Variants in ANKDD1B observed in about 807,000 individuals in gnomAD.
ANKDD1B encodes ankyrin repeat and death domain containing 1B.
A neutral mutation model predicts 59.7 loss-of-function variants in ANKDD1B; 57 were observed. The observed-to-expected ratio is 0.95, with a 90% CI of 0.77 to 1.19. The LOEUF (loss-of-function observed/expected upper bound fraction) is 1.19. Ranked by LOEUF, ANKDD1B falls within the 50% of genes most tolerant of loss-of-function variation. The pLI, the probability that ANKDD1B is intolerant of heterozygous loss-of-function variation, is 0.00. For missense variants in ANKDD1B, 602 were observed against 641.9 expected (o/e 0.94, Z 0.67); for synonymous variants, 216 against 239.5 (o/e 0.90, Z 0.91).
intron 5 of ANKDD1B, among the ~76,000 whole-genome samples, chr5:75,630,058 A>G (rs1774107099): frequency 6.6e-6 from 1 of 152,190 alleles, no homozygotes; most frequent in African/African-American, 2.4e-5. Flanking sequence ...GATTTGCCCA[A>G]GGCCTGGAGC....
intron 2 of ANKDD1B, among the ~76,000 whole-genome samples, chr5:75,617,694 T>C (rs921361529): frequency 6.6e-6 from 1 of 152,216 alleles, no homozygotes; most frequent in African/African-American, 2.4e-5. Context: ...CTGAGAGGGC[T>C]CTAGTAATAT....
chr5:75,653,260 A>T lies in ANKDD1B; in HGVS notation c.897+20A>T. 1 of 1,515,378 alleles carries T rather than the reference A, an allele frequency of 6.6e-7. No individual in the cohort carries two copies. Among genetic ancestry groups the T allele is most frequent in the Non-Finnish European group, 8.9e-7 (1 of 1,128,048 alleles). 93.9% of individuals were successfully genotyped at this position (1,515,378 alleles called of 1,614,324 possible). On this transcript the variant is annotated intron_variant, in intron 8 of 13. Coordinates refer to ENST00000601380, the MANE Select transcript of ANKDD1B (RefSeq NM_001276713.2). ...GTGGAAGTGAGTTTATTCCAATGAC[A>T]CGGGCTTTGGTCCTGGCGCCGTGAG...
chr5:75,635,246 C>T (rs114023493), intron 6 of ANKDD1B: 5,184 of 344,554 alleles, frequency 0.015, 218 homozygotes, highest in African/African-American at 0.092. Flanking sequence ...TGGATTTTTC[C>T]ATGATCAACT....
intron 1 of ANKDD1B, among the ~76,000 whole-genome samples, chr5:75,615,668 C>CTTTG (rs1554066521): frequency 6.9e-6 from 1 of 144,238 alleles, no homozygotes; most frequent in East Asian, 2.0e-4. Flanking sequence ...CTGGTCTTCC[C>CTTTG]TGTGTGTGTG....
chr5:75,637,334 C>T lies in ANKDD1B; in HGVS notation c.798+1452C>T, dbSNP rs552979222. ...GGGGATGTGGCTGTGGCTATGCAGGCGGGTTTGTGAGTCATTTGCCCTGGA... is the reference window on the plus strand; with the variant it reads ...GGGGATGTGGCTGTGGCTATGCAGGTGGGTTTGTGAGTCATTTGCCCTGGA... On this transcript the variant is annotated intron_variant, in intron 7 of 13. Transcript: ENST00000601380. Among the ~76,000 whole-genome samples the T allele has an allele frequency of 1.7e-4, 25 of 147,352 alleles. 1 individual carries two copies. The South Asian group carries it at 3.7e-3, about 22-fold the overall frequency.
intron 12 of ANKDD1B, among the ~76,000 whole-genome samples, chr5:75,668,674 C>G (rs1775381195): frequency 6.6e-6 from 1 of 152,196 alleles, no homozygotes; most frequent in African/African-American, 2.4e-5. Context: ...GTACTTCCCC[C>G]AACACCTCTC....
At chr5:75,628,186 G>A (rs1393316321) in intron 5 of ANKDD1B, among the ~76,000 whole-genome samples, 3 of 152,194 alleles carry the variant, frequency 2.0e-5, no homozygotes, top group African/African-American at 4.8e-5. Context: ...GTTGACAAAA[G>A]TCAGTTGGAA....
rs1032810000 is a variant in ANKDD1B, at chr5:75,669,305, G to T, written c.1447G>T (p.Gly483Trp). Residue 483 changes from glycine to tryptophan, a missense_variant, in exon 13 of 14, where the codon GGG becomes TGG. Physicochemically the swap from Gly to Trp is radical, Grantham distance 184 (BLOSUM62 -2). This residue lies in a region of ANKDD1B where 280 missense variants were observed against 319.8 expected (regional missense o/e 0.88). Transcript: ENST00000601380. ...CAGGGCTCTGCTTATCTGGCTACAC[G>T]GGACCCTGATGACTCAGGGTGACCC... ...GHRALLIWLH[G>W]TLMTQGDPAK... The T allele has an allele frequency of 1.6e-6, 2 of 1,232,108 alleles. No individual in the cohort carries two copies. Among genetic ancestry groups the T allele is most frequent in the African/African-American group, 3.1e-5 (2 of 64,524 alleles). The allele number at this position is 1,232,108 out of a possible 1,614,324, so 76.3% of individuals were successfully genotyped here. A position where few individuals can be genotyped will look rare whatever the true frequency, so the allele number is the denominator to read the frequency against.
intron 10 of ANKDD1B, among the ~76,000 whole-genome samples, chr5:75,661,251 G>A (rs1183770874): frequency 6.6e-6 from 1 of 151,560 alleles, no homozygotes; most frequent in Non-Finnish European, 1.5e-5. Flanking sequence ...ACACAAATCA[G>A]CCGGGCATGG....
intron 7 of ANKDD1B, among the ~76,000 whole-genome samples, chr5:75,640,710 G>A (rs918370165): frequency 2.0e-5 from 3 of 152,188 alleles, no homozygotes; most frequent in African/African-American, 7.2e-5. Flanking sequence ...TAAAGTATGT[G>A]TTCCAGACCA....
chr5:75,616,482 A>G lies in ANKDD1B; in HGVS notation c.194-322A>G, dbSNP rs777746038. On this transcript the variant is annotated intron_variant, in intron 1 of 13. Coordinates refer to ENST00000601380, the MANE Select transcript of ANKDD1B (RefSeq NM_001276713.2). ...TCTTGTACAAGGTTTTTTACAAACA[A>G]TGCCCCCTGGGAAGTCTATGGCCGC... 2.6e-5 allele frequency among the ~76,000 whole-genome samples: 4 copies of G among 152,288 alleles called. No individual in the cohort carries two copies. In the Middle Eastern group the frequency reaches 0.01, roughly 388 times the overall value.
At chr5:75,636,249 A>G (rs571582799) in intron 7 of ANKDD1B, among the ~76,000 whole-genome samples, 27 of 152,364 alleles carry the variant, frequency 1.8e-4, no homozygotes, top group African/African-American at 6.5e-4. Flanking sequence ...GATGTTTTTC[A>G]GAAATTACAG....
At chr5:75,617,037 T>C in intron 2 of ANKDD1B, 130 bp downstream of exon 2, 1 of 515,456 alleles carries the variant, frequency 1.9e-6, no homozygotes. Context: ...GCTTTGTTGG[T>C]AATCCCGGGG....
chr5:75,651,108 C>T lies in ANKDD1B; in HGVS notation c.799-2034C>T, dbSNP rs1561445750. On this transcript the variant is annotated intron_variant, in intron 7 of 13. Coordinates refer to ENST00000601380, the MANE Select transcript of ANKDD1B (RefSeq NM_001276713.2). ...TTAGGGGCCATGCCTGGAACTGGCACGCTGGAATTTCTGCCATATTCTATT... is the reference window on the plus strand; with the variant it reads ...TTAGGGGCCATGCCTGGAACTGGCATGCTGGAATTTCTGCCATATTCTATT... 2.6e-5 allele frequency among the ~76,000 whole-genome samples: 4 copies of T among 152,164 alleles called. No individual in the cohort carries two copies. In the South Asian group the frequency reaches 6.2e-4, roughly 24 times the overall value.
At chr5:75,639,182 GC>G (rs1267492338) in intron 7 of ANKDD1B, among the ~76,000 whole-genome samples, 2 of 152,126 alleles carry the variant, frequency 1.3e-5, no homozygotes, top group African/African-American at 4.8e-5. Flanking sequence ...GGGGAGAAAT[GC>G]CTTTTCTGTT....
chr5:75,621,573 G>C (rs186960149), intron 3 of ANKDD1B, among the ~76,000 whole-genome samples: 58 of 152,182 alleles, frequency 3.8e-4, no homozygotes, highest in African/African-American at 1.4e-3. Context: ...AGAGTGGACT[G>C]TGCTTACTTC....
chr5:75,660,871 C>A (rs1775118712), intron 10 of ANKDD1B, among the ~76,000 whole-genome samples: 3 of 152,154 alleles, frequency 2.0e-5, no homozygotes, highest in African/African-American at 7.2e-5. Flanking sequence ...CAACTGTCAG[C>A]AAAGATGACT....
chr5:75,638,511 G>T (rs891753723), intron 7 of ANKDD1B, among the ~76,000 whole-genome samples: 2 of 152,096 alleles, frequency 1.3e-5, no homozygotes, highest in African/African-American at 2.4e-5. Context: ...AGTAAAGAAA[G>T]TTTGATCATG....
rs187161034 is a variant in ANKDD1B at position 75,620,305 on chromosome 5, G to C, written c.298-10G>C. 1.3e-5 allele frequency: 19 copies of C among 1,429,698 alleles called. No individual in the cohort carries two copies. In the East Asian group the frequency reaches 3.0e-4, roughly 22 times the overall value. The allele number at this position is 1,429,698 out of a possible 1,614,324, so 88.6% of individuals were successfully genotyped here. A position where few individuals can be genotyped will look rare whatever the true frequency, so the allele number is the denominator to read the frequency against. On this transcript the variant is annotated splice_polypyrimidine_tract_variant and intron_variant, in intron 2 of 13. Transcript: ENST00000601380. ...TCAGATGACTAAAAACATAAATTAT[G>C]CTTCCTCAGATGAACCGCACAGCCC...
Sources: gnomAD v4.1 joint callset for allele counts (sites outside exome capture counted in the v4.1 genomes callset) on GRCh38, gnomAD v4.1.1 for gene constraint, gnomAD v4.1.1 regional missense constraint, MANE v1.5 for transcripts, NCBI Gene and HGNC (gene_info 2026-07-23, HGNC 2026-07-21) for gene names.